F5: variants seen among roughly 807,000 people sequenced by gnomAD.
F5 encodes the protein activated protein c cofactor.
A neutral mutation model predicts 216.4 loss-of-function variants in F5; 138 were observed. The ratio of observed to expected loss-of-function variants is 0.64; its 90% CI spans 0.56 to 0.73. The LOEUF (loss-of-function observed/expected upper bound fraction) is 0.73, where lower values mean the gene tolerates loss of function less well. Ranked by LOEUF, F5 falls within the 30% of genes least tolerant of loss-of-function variation. The probability of loss-of-function intolerance (pLI) is 0.00; values close to 1 mark genes in which losing one functional copy is unlikely to be tolerated. For missense variants in F5, 2,403 were observed against 2,674.0 expected (o/e 0.90, Z 2.24); for synonymous variants, 916 against 930.7 (o/e 0.98, Z 0.29).
intron 3 of F5, among the ~76,000 whole-genome samples, chr1:169,563,374 A>G (rs1040399011): frequency 2.6e-5 from 4 of 151,960 alleles, no homozygotes; most frequent in African/African-American, 9.7e-5. Context: ...TTTACATTAC[A>G]TTTGGGAATT....
intron 13 of F5, among the ~76,000 whole-genome samples, chr1:169,539,677 C>T (rs1329065042): frequency 6.6e-6 from 1 of 152,130 alleles, no homozygotes; most frequent in Admixed American, 6.6e-5. Flanking sequence ...GTGGGCATAT[C>T]TAGACAGCTG....
At chr1:169,523,421 A>G in intron 20 of F5, 69 bp from the exon 21 acceptor site, 1 of 1,570,778 alleles carries the variant, frequency 6.4e-7, no homozygotes, top group Non-Finnish European at 8.7e-7. Flanking sequence ...TAAATTCATT[A>G]TACAATCAGC....
At chr1:169,584,990 G>C (rs1661071092) in intron 1 of F5, among the ~76,000 whole-genome samples, 1 of 152,054 alleles carries the variant, frequency 6.6e-6, no homozygotes, top group Non-Finnish European at 1.5e-5. Flanking sequence ...ACAGACAAGA[G>C]AAAAAACTCC....
chr1:169,553,393 T>A (rs10919191), intron 7 of F5, among the ~76,000 whole-genome samples: 52,526 of 151,960 alleles, frequency 0.35, 9,330 homozygotes, highest in Admixed American at 0.48. Context: ...AACATCAGTG[T>A]TCATGAGAGA....
intron 10 of F5, among the ~76,000 whole-genome samples, chr1:169,547,164 T>C (rs1001327069): frequency 1.3e-5 from 2 of 151,944 alleles, no homozygotes; most frequent in African/African-American, 4.8e-5. Context: ...AGACTCCATC[T>C]CAAAAATAAC....
At chr1:169,537,514 A>T (rs950847060) in intron 13 of F5, among the ~76,000 whole-genome samples, 1 of 152,182 alleles carries the variant, frequency 6.6e-6, no homozygotes, top group African/African-American at 2.4e-5. Context: ...TCAAAAGTTT[A>T]TGCACAGCAA....
intron 24 of F5, among the ~76,000 whole-genome samples, chr1:169,515,153 C>G (rs1168960438): frequency 6.6e-6 from 1 of 152,080 alleles, no homozygotes; most frequent in East Asian, 1.9e-4. Context: ...TTTCCCCCTT[C>G]CATCATCAGC....
intron 5 of F5, among the ~76,000 whole-genome samples, 168 bp from the exon 6 acceptor site, chr1:169,557,035 T>A (rs1461463763): frequency 6.6e-6 from 1 of 152,074 alleles, no homozygotes; most frequent in African/African-American, 2.4e-5. Context: ...AAAGCAGACA[T>A]CTGAGTGACC....
At chr1:169,531,972 C>A (rs1204722822) in intron 14 of F5, among the ~76,000 whole-genome samples, 3 of 152,158 alleles carry the variant, frequency 2.0e-5, no homozygotes, top group African/African-American at 7.2e-5. Flanking sequence ...CAAACCAAAT[C>A]CAGCAGCAAA....
intron 3 of F5, among the ~76,000 whole-genome samples, chr1:169,567,706 A>T (rs557939201): frequency 3.3e-5 from 5 of 152,116 alleles, no homozygotes; most frequent in Non-Finnish European, 5.9e-5. Flanking sequence ...CATCATGATC[A>T]TGACCATCAT....
chr1:169,515,812 T>A, intron 23 of F5, 186 bp from the exon 24 acceptor site: 1 of 608,704 alleles, frequency 1.6e-6, no homozygotes, highest in South Asian at 2.0e-5. Flanking sequence ...TGTAAATTTT[T>A]ATTGAAGTAT....
intron 14 of F5, among the ~76,000 whole-genome samples, chr1:169,532,328 G>T (rs1217602960): frequency 6.6e-6 from 1 of 152,048 alleles, no homozygotes; most frequent in Non-Finnish European, 1.5e-5. Context: ...ATTCAACATA[G>T]TACTGGAAAT....
intron 13 of F5, 63 bp from the exon 14 acceptor site, chr1:169,536,743 A>C: frequency 7.3e-7 from 1 of 1,365,140 alleles, no homozygotes; most frequent in Non-Finnish European, 1.0e-6. Context: ...AATTTAGGAA[A>C]TTGTCTCTTT....
At chr1:169,582,986 G>T (rs1661022063) in intron 1 of F5, among the ~76,000 whole-genome samples, 1 of 152,182 alleles carries the variant, frequency 6.6e-6, no homozygotes, top group Non-Finnish European at 1.5e-5. Context: ...GGTGAGAGAT[G>T]GCTAATGGGG....
At chr1:169,550,164 G>T in intron 9 of F5, 149 bp from the exon 10 acceptor site, 1 of 677,374 alleles carries the variant, frequency 1.5e-6, no homozygotes, top group South Asian at 1.8e-5. Context: ...AAGTTCTAGG[G>T]TACATGTGCA....
rs371760153 is a variant in F5 at position 169,556,715 on chromosome 1, T to C, written c.883A>G (p.Thr295Ala). Residue 295 changes from threonine to alanine, a missense_variant, in exon 6 of 25, where the codon ACC (threonine) becomes GCC (alanine). This residue lies in a region of F5 where 1,425 missense variants were observed against 1,554.8 expected (regional missense o/e 0.92). Transcript: ENST00000367797. ...AITLVSATSTTANMTVGPEGK... is the reference protein window; with the variant it reads ...AITLVSATSTAANMTVGPEGK... ...TCTGGGCCCACAGTCATATTTGCGG[T>C]AGTGGATGTAGCACTGACAAGGGTG... The C allele has an allele frequency of 4.3e-6, 7 of 1,614,008 alleles. No homozygotes were observed. The highest frequency in any genetic ancestry group is 5.9e-6 in the Non-Finnish European group (7 of 1,180,018).
At chr1:169,565,039 G>A (rs1660568408) in intron 3 of F5, among the ~76,000 whole-genome samples, 1 of 151,880 alleles carries the variant, frequency 6.6e-6, no homozygotes, top group African/African-American at 2.4e-5. Flanking sequence ...CTTGTCCCTT[G>A]GGTCCCCTGT....
chr1:169,581,086 T>C (rs567068373), intron 2 of F5, among the ~76,000 whole-genome samples: 3 of 152,126 alleles, frequency 2.0e-5, no homozygotes, highest in Non-Finnish European at 4.4e-5. Context: ...AGCCTTGGTT[T>C]TGGGTGAGAT....
In F5 at chr1:169,536,703, G is replaced by A. The variant is rs775513000; in HGVS notation, c.4797-23C>T. On this transcript the variant is annotated intron_variant, in intron 13 of 24. Transcript: ENST00000367797. ...TCCCTGAAATAATAATACTATTTGT[G>A]TAAAAGAAGAAATTAAAGACTGTTC... 6.3e-6 allele frequency: 10 copies of A among 1,580,360 alleles called. No homozygotes were observed. The South Asian group carries it at 6.6e-5, about 10-fold the overall frequency.
Sources: gnomAD v4.1 joint callset for allele counts (sites outside exome capture counted in the v4.1 genomes callset) on GRCh38, gnomAD v4.1.1 for gene constraint, gnomAD v4.1.1 regional missense constraint, MANE v1.5 for transcripts, NCBI Gene and HGNC (gene_info 2026-07-23, HGNC 2026-07-21) for gene names.